COL4A6: variants seen among roughly 807,000 people sequenced by gnomAD.
The protein encoded by COL4A6 is collagen alpha-6(IV) chain.
A neutral mutation model predicts 126.7 loss-of-function variants in COL4A6; 59 were observed. That is an observed-to-expected ratio of 0.47 (90% CI 0.38 to 0.58). COL4A6 has a LOEUF of 0.58. Ranked by LOEUF, COL4A6 falls within the 20% of genes least tolerant of loss-of-function variation. COL4A6 has a pLI of 0.00. For synonymous variants in COL4A6, 547 were observed against 496.6 expected, an observed-to-expected ratio of 1.10 and a Z score of -1.35; for missense variants, 1,285 against 1,337.3, an observed-to-expected ratio of 0.96 and a Z score of 0.61.
Position 108,415,314 on chromosome X carries a change from A to T in COL4A6, c.63+22628T>A, listed in dbSNP as rs1043953869. On this transcript the variant is annotated intron_variant, in intron 2 of 44. Transcript: ENST00000334504. ...GCTCTCCCTTCAATCACCCCAACTG[A>T]CTACTGTAAAATGTAATGCCTATAT... is the stretch of plus-strand genomic sequence containing the variant. Among the ~76,000 whole-genome samples the T allele has an allele frequency of 1.2e-4, 13 of 111,603 alleles. 1 individual carries two copies. In the Admixed American group the frequency reaches 1.2e-3, roughly 11 times the overall value.
At chrX:108,279,266 C>T (rs2037721338) in intron 3 of COL4A6, among the ~76,000 whole-genome samples, 1 of 110,813 alleles carries the variant, frequency 9.0e-6, no homozygotes, top group South Asian at 3.9e-4. Context: ...TGCAGAGACA[C>T]ACATAGGCTC....
At chrX:108,175,236 A>C in intron 29 of COL4A6, 21 bp from the exon 30 acceptor site, 1 of 1,154,633 alleles carries the variant, frequency 8.7e-7, no homozygotes, top group Non-Finnish European at 1.2e-6. Context: ...GGAGATCAGC[A>C]TGAGAAAGAG....
In COL4A6 at chrX:108,178,866, A is replaced by G. The variant is rs1189951357; in HGVS notation, c.2354-21T>C. ...CACACCTGATAAAAGAAAAGGGCAA[A>G]TGATCACAGCCTGGAGAGATAGCAG... On this transcript the variant is annotated intron_variant, in intron 26 of 44. Coordinates refer to ENST00000334504, the MANE Select transcript of COL4A6 (RefSeq NM_033641.4). The G allele has an allele frequency of 5.0e-6, 6 of 1,197,255 alleles. No individual in the cohort carries two copies. In the African/African-American group the frequency reaches 8.8e-5, roughly 17 times the overall value.
At chrX:108,337,975 C>T (rs1285679315) in intron 2 of COL4A6, among the ~76,000 whole-genome samples, 6 of 110,844 alleles carry the variant, frequency 5.4e-5, no homozygotes, top group African/African-American at 2.0e-4. Flanking sequence ...AGGCTGATGT[C>T]ACGATACTGT....
upstream of COL4A6, among the ~76,000 whole-genome samples, chrX:108,439,068 A>G (rs2064330100): frequency 1.8e-5 from 2 of 112,184 alleles, no homozygotes; most frequent in Non-Finnish European, 3.8e-5. Context: ...ACTCTATTTA[A>G]ATATTTCCAA....
chrX:108,160,209 T>C (rs2033876742), intron 43 of COL4A6, among the ~76,000 whole-genome samples: 1 of 112,326 alleles, frequency 8.9e-6, no homozygotes, highest in Non-Finnish European at 1.9e-5. Context: ...CCAGCGTGTG[T>C]GATAGATACT....
intron 44 of COL4A6, among the ~76,000 whole-genome samples, chrX:108,157,622 T>C (rs1432125957): frequency 9.0e-6 from 1 of 111,707 alleles, no homozygotes; most frequent in Non-Finnish European, 1.9e-5. Context: ...CAAATGGATC[T>C]GAGAAAAGCT....
intron 2 of COL4A6, among the ~76,000 whole-genome samples, chrX:108,409,814 T>G (rs1478804246): frequency 8.9e-6 from 1 of 111,791 alleles, no homozygotes; most frequent in Non-Finnish European, 1.9e-5. Context: ...TATTAGATGA[T>G]CAAGGGTTGG....
At chrX:108,324,565 G>C (rs1476587076) in intron 2 of COL4A6, among the ~76,000 whole-genome samples, 1 of 111,758 alleles carries the variant, frequency 8.9e-6, no homozygotes, top group Non-Finnish European at 1.9e-5. Context: ...TTGAATTTCA[G>C]AAAAACCACA....
At position 108,221,345 on chromosome X, in the gene COL4A6, G is replaced by C. The variant is rs1444229696; in HGVS notation, c.174C>G (p.Gly58=). ...RGRPGPIGIQ[G]PTGPQGFTGS... is the part of the protein sequence containing the mutation. The stretch of plus-strand genomic sequence containing the variant: ...CAGTGAATCCTTGAGGACCTGTTGG[G>C]CCTTGAATTCCAATTGGTCCAGGTC... Residue 58 remains glycine (G), a synonymous_variant, in exon 4 of 45, where the codon GGC becomes GGG. Coordinates refer to ENST00000334504, the MANE Select transcript of COL4A6 (RefSeq NM_033641.4). 1 of 1,211,492 alleles carries C rather than the reference G, an allele frequency of 8.3e-7. No individual in the cohort carries two copies. Among genetic ancestry groups the C allele is most frequent in the Non-Finnish European group, 1.1e-6 (1 of 895,154 alleles).
intron 14 of COL4A6, among the ~76,000 whole-genome samples, chrX:108,195,901 T>C (rs1391394978): frequency 8.9e-6 from 1 of 112,014 alleles, no homozygotes; most frequent in Non-Finnish European, 1.9e-5. Context: ...CATAGTCAAC[T>C]TAACAACACA....
intron 2 of COL4A6, among the ~76,000 whole-genome samples, chrX:108,410,204 A>G (rs1466369517): frequency 9.0e-6 from 1 of 111,242 alleles, no homozygotes; most frequent in East Asian, 2.8e-4. Context: ...TTGCATGGCC[A>G]CTAAGTCAAG....
At chrX:108,422,516 T>C (rs2063998075) in intron 2 of COL4A6, among the ~76,000 whole-genome samples, 1 of 111,551 alleles carries the variant, frequency 9.0e-6, no homozygotes, top group African/African-American at 3.3e-5. Flanking sequence ...ACACATACTC[T>C]CGAAGGAATT....
chrX:108,311,265 T>C (rs1038116268), intron 2 of COL4A6, among the ~76,000 whole-genome samples: 11 of 112,042 alleles, frequency 9.8e-5, no homozygotes, highest in Non-Finnish European at 1.3e-4. Context: ...GGCTACCTTG[T>C]ACTCTGCTCT....
At chrX:108,377,389 CTT>C (rs977886430) in intron 2 of COL4A6, among the ~76,000 whole-genome samples, 2 of 97,564 alleles carry the variant, frequency 2.0e-5, no homozygotes, top group African/African-American at 3.8e-5. Flanking sequence ...CTTCCTCTTT[CTT>C]TTTTTTTTTT....
intron 2 of COL4A6, among the ~76,000 whole-genome samples, chrX:108,324,762 TG>T (rs1471823359): frequency 9.0e-6 from 1 of 111,616 alleles, no homozygotes; most frequent in Non-Finnish European, 1.9e-5. Context: ...TGCTCACAGA[TG>T]GGGAAAGATT....
At chrX:108,260,465 C>T (rs180722998) in intron 3 of COL4A6, among the ~76,000 whole-genome samples, 2 of 110,969 alleles carry the variant, frequency 1.8e-5, no homozygotes, top group Non-Finnish European at 3.8e-5. Flanking sequence ...ATCATGGGGG[C>T]GGGTCTTCCC....
Position 108,163,164 on chromosome X carries a change from C to T in COL4A6, c.4070-126G>A, listed in dbSNP as rs145971825. ...ATCCTGTTTGTCCCCACAGGATACCCGGGTATCTCCAGGATGGCACTGTGT... is the reference window on the plus strand; with the variant it reads ...ATCCTGTTTGTCCCCACAGGATACCTGGGTATCTCCAGGATGGCACTGTGT... On this transcript the variant is annotated intron_variant, in intron 40 of 44. Transcript: ENST00000334504. 1.1e-3 allele frequency: 611 copies of T among 564,384 alleles called. 4 individuals are homozygous for T. The African/African-American group carries it at 0.013, about 12-fold the overall frequency. The allele number at this position is 564,384 out of a possible 1,213,427, so 46.5% of individuals were successfully genotyped here. A position where few individuals can be genotyped will look rare whatever the true frequency, so the allele number is the denominator to read the frequency against.
intron 2 of COL4A6, among the ~76,000 whole-genome samples, chrX:108,437,132 G>C (rs2064282677): frequency 8.9e-6 from 1 of 112,012 alleles, no homozygotes; most frequent in Admixed American, 9.5e-5. Context: ...TAAGTAGCTA[G>C]TGAAACTGGA....
Sources: allele counts gnomAD v4.1 joint callset (sites outside exome capture counted in the v4.1 genomes callset), GRCh38; gene constraint gnomAD v4.1.1; transcripts MANE v1.5; gene names NCBI Gene and HGNC (gene_info 2026-07-23, HGNC 2026-07-21).